The following RAPGEFL1 variants were observed in gnomAD, a reference collection of about 807,000 sequenced individuals.
The protein encoded by RAPGEFL1 is rap guanine nucleotide exchange factor-like 1.
In RAPGEFL1, 31 loss-of-function variants were observed where a neutral mutation model predicts 64.4. The ratio of observed to expected loss-of-function variants is 0.48; its 90% CI spans 0.36 to 0.65. RAPGEFL1 has a LOEUF of 0.65. Among genes scored for constraint, RAPGEFL1 ranks in the 30% least tolerant of loss-of-function variants. The pLI is 0.00. For synonymous variants in RAPGEFL1, 331 were observed against 274.1 expected, an observed-to-expected ratio of 1.21 and a Z score of -2.05; for missense variants, 682 against 677.4, an observed-to-expected ratio of 1.01 and a Z score of -0.08.
chr17:40,189,041 T>A, intron 5 of RAPGEFL1, 63 bp downstream of exon 5: 2 of 1,519,372 alleles, frequency 1.3e-6, no homozygotes, highest in Non-Finnish European at 1.8e-6. Flanking sequence ...TATCTCTGGG[T>A]CTTGAGCACC....
Position 40,191,558 on chromosome 17 carries a change from T to G in RAPGEFL1, c.1515-24T>G. 1.4e-6 allele frequency: 2 copies of G among 1,474,340 alleles called. No individual in the cohort carries two copies. Among genetic ancestry groups the G allele is most frequent in the Non-Finnish European group, 1.8e-6 (2 of 1,082,414 alleles). 91.3% of individuals were successfully genotyped at this position (1,474,340 alleles called of 1,614,324 possible). A position where few individuals can be genotyped will look rare whatever the true frequency, so the allele number is the denominator to read the frequency against. Reference sequence around the variant, plus strand: ...GGAGGCCCGCGCCGCCGCCCGCCCCTGACCCCGCCTCCCACCCCCGCAGCT... The same window carrying G: ...GGAGGCCCGCGCCGCCGCCCGCCCCGGACCCCGCCTCCCACCCCCGCAGCT... On this transcript the variant is annotated intron_variant, in intron 9 of 14. Transcript: ENST00000620260. The surrounding 1 kb of genome is among the most constrained non-coding windows in gnomAD (Gnocchi z 5.1).
chr17:40,182,812 T>C (rs1026956341), intron 2 of RAPGEFL1, among the ~76,000 whole-genome samples: 7 of 152,168 alleles, frequency 4.6e-5, no homozygotes, highest in Non-Finnish European at 7.3e-5. Flanking sequence ...CACAGAGTTA[T>C]TTTAGGACCT....
At position 40,192,279 on chromosome 17, in the gene RAPGEFL1, T is replaced by A. The variant is rs1990302659; in HGVS notation, c.1656+16T>A. 2.5e-6 allele frequency: 4 copies of A among 1,612,640 alleles called. No homozygotes were observed. Among genetic ancestry groups the A allele is most frequent in the Non-Finnish European group, 3.4e-6 (4 of 1,178,758 alleles). ...GAACCTGACGGTGAGTGGGTTTGGC[T>A]CTTTCTTCTGCTCTTGGACTGAGAG... is the stretch of plus-strand genomic sequence containing the variant. On this transcript the variant is annotated intron_variant, in intron 11 of 14. Coordinates refer to ENST00000620260, the MANE Select transcript of RAPGEFL1 (RefSeq NM_016339.6).
At position 40,193,227 on chromosome 17, in the gene RAPGEFL1, C is replaced by T. The variant is rs1369102771; in HGVS notation, c.1810-136C>T. On this transcript the variant is annotated intron_variant, in intron 13 of 14. Transcript: ENST00000620260. ...ACATGGCACTCTGTTACACCCACTC[C>T]TTTGGTCCTTCAGAGACCCTCCAGA... is the stretch of plus-strand genomic sequence containing the variant. 7.9e-5 allele frequency: 84 copies of T among 1,066,094 alleles called. No individual in the cohort carries two copies. The East Asian group carries it at 2.0e-3, about 25-fold the overall frequency. The allele number at this position is 1,066,094 out of a possible 1,614,324, so 66.0% of individuals were successfully genotyped here. A position where few individuals can be genotyped will look rare whatever the true frequency, so the allele number is the denominator to read the frequency against.
In RAPGEFL1 at chr17:40,192,609, C is replaced by A. The variant is rs1262006747; in HGVS notation, c.1660C>A (p.Pro554Thr). 1 of 1,612,888 alleles carries A rather than the reference C, an allele frequency of 6.2e-7. No individual in the cohort carries two copies. The highest frequency in any genetic ancestry group is 8.5e-7 in the Non-Finnish European group (1 of 1,179,202). The change falls in exon 12 of 15, where the codon CCC (proline) becomes ACC (threonine). Residue 554 changes from proline (P) to threonine (T), a missense_variant. Physicochemically the swap from Pro to Thr is conservative, Grantham distance 38 (BLOSUM62 -1). Transcript: ENST00000620260. Reference protein sequence around the residue: ...LFRKFENLTDPCRNHKSYREV... With the variant: ...LFRKFENLTDTCRNHKSYREV... The stretch of plus-strand genomic sequence containing the variant: ...TCTCTCTCCTGTGGAATACTAGGAC[C>A]CCTGCAGGAACCACAAAAGCTACCG...
Position 40,193,830 on chromosome 17 carries a change from T to C in RAPGEFL1, c.*42T>C. ...CAGACCCGCCAGATCCTTGGGCACC[T>C]GGCACTCAAGCACTTTGCACGATGT... On this transcript the variant is annotated 3_prime_UTR_variant, in exon 15 of 15. Transcript: ENST00000620260. 1 of 1,612,802 alleles carries C rather than the reference T, an allele frequency of 6.2e-7. No individual in the cohort carries two copies. The highest frequency in any genetic ancestry group is 8.5e-7 in the Non-Finnish European group (1 of 1,179,356).
intron 13 of RAPGEFL1, 49 bp downstream of exon 13, chr17:40,193,039 C>T: frequency 1.3e-6 from 2 of 1,493,294 alleles, no homozygotes; most frequent in Non-Finnish European, 1.9e-6. Context: ...GGGGGGCTTG[C>T]ATCCTCTCCC....
intron 3 of RAPGEFL1, 34 bp downstream of exon 3, chr17:40,184,383 G>T: frequency 6.4e-7 from 1 of 1,568,610 alleles, no homozygotes; most frequent in Non-Finnish European, 8.7e-7. Context: ...GGGTAAACAG[G>T]CTATTAGCTC....
Position 40,178,401 on chromosome 17 carries a change from G to T in RAPGEFL1, c.520+20G>T. ...CCTCAGGTAAGGAGCCGGTGGGCTC[G>T]AACACCCAGAGCAGGGGCTGGCCCC... On this transcript the variant is annotated intron_variant, in intron 1 of 14. Coordinates refer to ENST00000620260, the MANE Select transcript of RAPGEFL1 (RefSeq NM_016339.6). The T allele has an allele frequency of 4.1e-6, 2 of 488,332 alleles. No individual in the cohort carries two copies. Among genetic ancestry groups the T allele is most frequent in the South Asian group, 2.9e-5 (1 of 33,910 alleles). 30.2% of individuals were successfully genotyped at this position (488,332 alleles called of 1,614,324 possible). A position where few individuals can be genotyped will look rare whatever the true frequency, so the allele number is the denominator to read the frequency against.
At chr17:40,186,704 G>C (rs1196105140) in intron 4 of RAPGEFL1, among the ~76,000 whole-genome samples, 1 of 148,052 alleles carries the variant, frequency 6.8e-6, no homozygotes, top group Non-Finnish European at 1.5e-5. Flanking sequence ...GACCATCCTG[G>C]CCAACACGGT....
intron 3 of RAPGEFL1, 22 bp from the exon 4 acceptor site, chr17:40,184,559 T>A: frequency 4.9e-6 from 7 of 1,437,720 alleles, no homozygotes; most frequent in Non-Finnish European, 4.8e-6. Context: ...TTCCTTCACC[T>A]TCTTTGTCCT....
intron 13 of RAPGEFL1, 129 bp from the exon 14 acceptor site, chr17:40,193,234 C>A: frequency 9.0e-7 from 1 of 1,114,686 alleles, no homozygotes; most frequent in Non-Finnish European, 1.3e-6. Flanking sequence ...CTCCTTTGGT[C>A]CTTCAGAGAC....
In RAPGEFL1 at chr17:40,177,697, A is replaced by C; in HGVS notation, c.-165A>C. ...ACCTCCCCCGGCTACTGGCCACTGG[A>C]CTCTGGCCAGCGAGGCTCGGCCCCT... On this transcript the variant is annotated 5_prime_UTR_variant, in exon 1 of 15. Coordinates refer to ENST00000620260, the MANE Select transcript of RAPGEFL1 (RefSeq NM_016339.6). 2.4e-6 allele frequency: 1 copy of C among 409,190 alleles called. No homozygotes were observed. Among genetic ancestry groups the C allele is most frequent in the Non-Finnish European group, 4.2e-6 (1 of 235,640 alleles). 25.3% of individuals were successfully genotyped at this position (409,190 alleles called of 1,614,324 possible).
At chr17:40,181,338 A>C in intron 1 of RAPGEFL1, 3 of 571,872 alleles carry the variant, frequency 5.2e-6, no homozygotes, top group Non-Finnish European at 1.0e-5. Flanking sequence ...CCAACTTCCC[A>C]CATACGCTGA....
chr17:40,190,772 G>C lies in RAPGEFL1; in HGVS notation c.1335+10G>C, dbSNP rs749198202. On this transcript the variant is annotated intron_variant, in intron 8 of 14. Transcript: ENST00000620260. ...CCGATGTGTGCATGAGGTGGGGACC[G>C]AGGCTGGTGCTATGCTGGGGGGCTG... 6.2e-7 allele frequency: 1 copy of C among 1,613,948 alleles called. No homozygotes were observed.
At chr17:40,186,660 G>C (rs1312159115) in intron 4 of RAPGEFL1, among the ~76,000 whole-genome samples, 1 of 148,070 alleles carries the variant, frequency 6.8e-6, no homozygotes. Flanking sequence ...CACTTTGGGA[G>C]GCCGAGGCAG....
intron 1 of RAPGEFL1, among the ~76,000 whole-genome samples, chr17:40,178,654 G>A (rs1010820970): frequency 1.3e-5 from 2 of 152,208 alleles, no homozygotes; most frequent in Non-Finnish European, 2.9e-5. Flanking sequence ...CCTGGGCATT[G>A]GAGCCACTGA....
Position 40,191,751 on chromosome 17 carries a change from C to T in RAPGEFL1, c.1605+79C>T. The stretch of plus-strand genomic sequence containing the variant: ...GAAGTGCGTCCTCCCGGGACGGCCG[C>T]CGGCCTGGAGGGAGTCTTTGCGCCA... On this transcript the variant is annotated intron_variant, in intron 10 of 14. Coordinates refer to ENST00000620260, the MANE Select transcript of RAPGEFL1 (RefSeq NM_016339.6). This position sits in a 1 kb window ranked among gnomAD's most constrained non-coding sequence, Gnocchi z 5.1. 1 of 1,429,592 alleles carries T rather than the reference C, an allele frequency of 7.0e-7. No individual in the cohort carries two copies. The allele number at this position is 1,429,592 out of a possible 1,614,324, so 88.6% of individuals were successfully genotyped here.
Position 40,184,760 on chromosome 17 carries a change from G to A in RAPGEFL1, c.833+82G>A. On this transcript the variant is annotated intron_variant, in intron 4 of 14. Coordinates refer to ENST00000620260, the MANE Select transcript of RAPGEFL1 (RefSeq NM_016339.6). Reference sequence around the variant, plus strand: ...CTACAGGGGCTGCCTCTGGCCTATTGGCTGCAATATGGATTTGCTTGTTTG... The same window carrying A: ...CTACAGGGGCTGCCTCTGGCCTATTAGCTGCAATATGGATTTGCTTGTTTG... 8 of 783,876 alleles carry A rather than the reference G, an allele frequency of 1.0e-5. No individual in the cohort carries two copies. The South Asian group carries it at 1.5e-4, about 15-fold the overall frequency. 48.6% of individuals were successfully genotyped at this position (783,876 alleles called of 1,614,324 possible).
Sources: gnomAD v4.1 joint callset for allele counts (sites outside exome capture counted in the v4.1 genomes callset) on GRCh38, gnomAD v4.1.1 for gene constraint, Gnocchi (gnomAD v3.1) non-coding constraint, MANE v1.5 for transcripts, NCBI Gene and HGNC (gene_info 2026-07-23, HGNC 2026-07-21) for gene names.